Variants in TTPA observed in about 807,000 individuals in gnomAD.
TTPA encodes alpha tocopherol transfer protein.
In TTPA, 23 loss-of-function variants were observed where a neutral mutation model predicts 25.9. That is an observed-to-expected ratio of 0.89 (90% CI 0.64 to 1.26). TTPA has a LOEUF of 1.26. Among genes scored for constraint, TTPA ranks in the 50% most tolerant of loss-of-function variants. TTPA has a pLI of 0.00. For synonymous variants in TTPA, 148 were observed against 137.3 expected, an observed-to-expected ratio of 1.08 and a Z score of -0.54; for missense variants, 337 against 353.1, an observed-to-expected ratio of 0.95 and a Z score of 0.37.
chr8:63,075,937 T>C (rs958680828), intron 1 of TTPA, among the ~76,000 whole-genome samples: 21 of 152,266 alleles, frequency 1.4e-4, no homozygotes, highest in African/African-American at 5.1e-4. Flanking sequence ...AACAAAAGTA[T>C]AAGGAACTAG....
intron 3 of TTPA, 22 bp downstream of exon 3, chr8:63,065,882 G>T (rs1221223578): frequency 6.2e-7 from 1 of 1,611,174 alleles, no homozygotes; most frequent in East Asian, 2.2e-5. Flanking sequence ...TATTATGCCT[G>T]ACAGTTAAAA....
At chr8:63,064,606 C>G (rs1805358881) in intron 3 of TTPA, among the ~76,000 whole-genome samples, 1 of 152,102 alleles carries the variant, frequency 6.6e-6, no homozygotes. Context: ...TATAGATGTT[C>G]TTTTAACGAA....
chr8:63,068,446 A>C (rs1805431264), intron 2 of TTPA, among the ~76,000 whole-genome samples: 1 of 152,238 alleles, frequency 6.6e-6, no homozygotes, highest in African/African-American at 2.4e-5. Context: ...GGTTAAGTGA[A>C]ATAGGACTAA....
At chr8:63,076,424 G>A (rs988665566) in intron 1 of TTPA, among the ~76,000 whole-genome samples, 1 of 152,002 alleles carries the variant, frequency 6.6e-6, no homozygotes, top group African/African-American at 2.4e-5. Context: ...TATTGCAGAG[G>A]AAAATGAAAA....
rs1026134648 is a variant in TTPA at position 63,059,938 on chromosome 8, A to T, written c.*1314T>A. ...AACTCCTGCGCTCAAGCAATCATCC[A>T]TCCAGCCTCGGCCTCCCAAAGTGCT... On this transcript the variant is annotated 3_prime_UTR_variant, in exon 5 of 5. Coordinates refer to ENST00000260116, the MANE Select transcript of TTPA (RefSeq NM_000370.3). The T allele has an allele frequency of 2.6e-5, 4 of 151,918 alleles. No individual in the cohort carries two copies. Among genetic ancestry groups the T allele is most frequent in the African/African-American group, 9.7e-5 (4 of 41,328 alleles). The allele number at this position is 151,918 out of a possible 1,614,324, so 9.4% of individuals were successfully genotyped here.
intron 2 of TTPA, among the ~76,000 whole-genome samples, chr8:63,069,156 A>AAAAAC (rs879621073): frequency 1.1e-4 from 17 of 152,232 alleles, no homozygotes; most frequent in South Asian, 6.2e-4. Context: ...TCTGTCTCAA[A>AAAAAC]AAAACAAAAC....
intron 2 of TTPA, among the ~76,000 whole-genome samples, chr8:63,069,025 C>T (rs1805441139): frequency 6.6e-6 from 1 of 151,966 alleles, no homozygotes; most frequent in Non-Finnish European, 1.5e-5. Flanking sequence ...CATAGTGACA[C>T]ACACCTGTAG....
chr8:63,059,071 A>G (rs553883010), downstream of TTPA, among the ~76,000 whole-genome samples: 11 of 102,778 alleles, frequency 1.1e-4, no homozygotes, highest in Non-Finnish European at 1.5e-4. Flanking sequence ...TCGCTCTGTC[A>G]CCCAGGCTGG....
rs774792807 is a variant in TTPA at position 63,065,348 on chromosome 8, C to A, written c.552+556G>T. On this transcript the variant is annotated intron_variant, in intron 3 of 4. Transcript: ENST00000260116. Reference sequence around the variant, plus strand: ...GTGGGAAAATACAATAGTCATATGTCATAGGCTCAGTGTGGACATTAAAAG... The same window carrying A: ...GTGGGAAAATACAATAGTCATATGTAATAGGCTCAGTGTGGACATTAAAAG... Among the ~76,000 whole-genome samples, 28 of 152,130 alleles carry A rather than the reference C, an allele frequency of 1.8e-4. 1 individual carries two copies. Among genetic ancestry groups the A allele is most frequent in the Non-Finnish European group, 3.8e-4 (26 of 68,034 alleles).
At chr8:63,078,749 T>C (rs1051844144) in intron 1 of TTPA, among the ~76,000 whole-genome samples, 6 of 152,196 alleles carry the variant, frequency 3.9e-5, no homozygotes, top group African/African-American at 1.2e-4. Context: ...GTGGAACCAG[T>C]TGGAAAACAC....
intron 2 of TTPA, among the ~76,000 whole-genome samples, chr8:63,071,616 T>A (rs1285948027): frequency 6.6e-6 from 1 of 152,194 alleles, no homozygotes; most frequent in Admixed American, 6.5e-5. Flanking sequence ...AACAGTCATA[T>A]GCTGAAATTC....
At position 63,065,925 on chromosome 8, in the gene TTPA, C is replaced by T. The variant is rs1406053449; in HGVS notation, c.531G>A (p.Lys177=). The T allele has an allele frequency of 8.1e-6, 13 of 1,613,976 alleles. No individual in the cohort carries two copies. Among genetic ancestry groups the T allele is most frequent in the Non-Finnish European group, 1.1e-5 (13 of 1,179,994 alleles). ...HAFQITPSVA[K]KIAAVLTDSF... Reference sequence around the variant, plus strand: ...TTACCGTAAGTACAGCAGCAATCTTCTTGGCTACGGATGGAGTGATTTGAA... The same window carrying T: ...TTACCGTAAGTACAGCAGCAATCTTTTTGGCTACGGATGGAGTGATTTGAA... The change falls in exon 3 of 5, where the codon AAG becomes AAA. Residue 177 remains lysine (K), a synonymous_variant. Coordinates refer to ENST00000260116, the MANE Select transcript of TTPA (RefSeq NM_000370.3).
At chr8:63,075,191 A>C (rs1429031056) in intron 1 of TTPA, among the ~76,000 whole-genome samples, 1 of 152,242 alleles carries the variant, frequency 6.6e-6, no homozygotes, top group Non-Finnish European at 1.5e-5. Context: ...ATAAATATTC[A>C]TCATTGGAAG....
At chr8:63,068,396 G>A (rs1349967071) in intron 2 of TTPA, among the ~76,000 whole-genome samples, 1 of 152,152 alleles carries the variant, frequency 6.6e-6, no homozygotes, top group Admixed American at 6.5e-5. Context: ...CAAGGGAAGA[G>A]GATTTTTCAA....
intron 2 of TTPA, among the ~76,000 whole-genome samples, chr8:63,068,482 G>T (rs1805432026): frequency 6.6e-6 from 1 of 152,186 alleles, no homozygotes; most frequent in Non-Finnish European, 1.5e-5. Flanking sequence ...GTGGTAAAAA[G>T]AAAGTCAATA....
At chr8:63,071,619 T>C (rs74304909) in intron 2 of TTPA, among the ~76,000 whole-genome samples, 16,332 of 152,150 alleles carry the variant, frequency 0.11, 1,002 homozygotes, top group East Asian at 0.21. Context: ...AGTCATATGC[T>C]GAAATTCTAA....
rs1173177977 is a variant in TTPA at position 63,080,665 on chromosome 8, G to C, written c.204+5153C>G. Among the ~76,000 whole-genome samples the C allele has an allele frequency of 3.3e-5, 5 of 149,954 alleles. No homozygotes were observed. The South Asian group carries it at 8.4e-4, about 25-fold the overall frequency. ...GAACCCAGGAGGCAGAGCTTGCAGT[G>C]AGCCGAATCATGCCACTGCACTCCA... On this transcript the variant is annotated intron_variant, in intron 1 of 4. Transcript: ENST00000260116.
At chr8:63,077,082 A>G (rs1399176177) in intron 1 of TTPA, among the ~76,000 whole-genome samples, 2 of 152,234 alleles carry the variant, frequency 1.3e-5, no homozygotes, top group African/African-American at 4.8e-5. Context: ...AAAAAATAGT[A>G]TAAGTAATGT....
At chr8:63,085,715 C>A in intron 1 of TTPA, 103 bp downstream of exon 1, 1 of 1,421,248 alleles carries the variant, frequency 7.0e-7, no homozygotes. Context: ...AGGGTCCTGC[C>A]TGCACCCTGG....
Sources: gnomAD v4.1 joint callset for allele counts (sites outside exome capture counted in the v4.1 genomes callset) on GRCh38, gnomAD v4.1.1 for gene constraint, MANE v1.5 for transcripts, NCBI Gene and HGNC (gene_info 2026-07-23, HGNC 2026-07-21) for gene names.